RGS5: variants seen among roughly 807,000 people sequenced by gnomAD.
RGS5 encodes regulator of G-protein signalling 5.
RGS5 carries 20 observed loss-of-function variants against 18.9 expected under a neutral mutation model. That is an observed-to-expected ratio of 1.06 (90% CI 0.74 to 1.54). RGS5 has a LOEUF of 1.54. RGS5 is among the 40% of genes most tolerant of loss of function. RGS5 has a pLI of 0.00. For missense variants in RGS5, 201 were observed against 211.8 expected (o/e 0.95, Z 0.32); for synonymous variants, 57 against 76.2 (o/e 0.75, Z 1.31).
chr1:163,206,221 C>G (rs1231967276), upstream of RGS5, among the ~76,000 whole-genome samples: 1 of 152,102 alleles, frequency 6.6e-6, no homozygotes, highest in Non-Finnish European at 1.5e-5. Context: ...TCCTGCTGAA[C>G]CTGCTGGCAC....
chr1:163,289,361 GAAATAGC>G (rs1649221456), intron 2 of RGS5, among the ~76,000 whole-genome samples: 1 of 151,848 alleles, frequency 6.6e-6, no homozygotes, highest in Non-Finnish European at 1.5e-5. Flanking sequence ...AGGATTTTCA[GAAATAGC>G]AAATCAGATA....
rs548757449 is a variant in RGS5, at chr1:163,186,557, C to T, written c.44+16235G>A. 9.5e-3 allele frequency among the ~76,000 whole-genome samples: 1,109 copies of T among 117,038 alleles called. 8 individuals are homozygous for T. Among genetic ancestry groups the T allele is most frequent in the Middle Eastern group, 0.023 (3 of 128 alleles). The allele number at this position is 117,038 out of a possible 152,430, so 76.8% of individuals were successfully genotyped here. A position where few individuals can be genotyped will look rare whatever the true frequency, so the allele number is the denominator to read the frequency against. ...TCACACCACTGCACTCCAGCCTGGG[C>T]GACAGAGCGAGACTCTGTCTCAAAA... On this transcript the variant is annotated intron_variant, in intron 1 of 4. Coordinates refer to ENST00000313961, the MANE Select transcript of RGS5 (RefSeq NM_003617.4).
upstream of RGS5, chr1:163,217,706 C>T (rs1484330159): frequency 7.3e-7 from 1 of 1,369,128 alleles, no homozygotes; most frequent in Non-Finnish European, 9.5e-7. Context: ...GAACTTGGAA[C>T]CTTGATGACA....
intron 2 of RGS5, among the ~76,000 whole-genome samples, chr1:163,293,615 T>A (rs1005582372): frequency 2.0e-5 from 3 of 152,164 alleles, no homozygotes; most frequent in South Asian, 4.1e-4. Flanking sequence ...CATGTCCTTT[T>A]CACATTTCAA....
chr1:163,321,629 C>G (rs1650213787), exon 1 of RGS5: 2 of 152,204 alleles, frequency 1.3e-5, no homozygotes, highest in Non-Finnish European at 2.9e-5. Context: ...TACCTCTGTA[C>G]TTCCTCCCTT....
At chr1:163,301,656 A>G (rs1649554661) in intron 2 of RGS5, among the ~76,000 whole-genome samples, 1 of 152,148 alleles carries the variant, frequency 6.6e-6, no homozygotes, top group Non-Finnish European at 1.5e-5. Flanking sequence ...TATAAAGAAA[A>G]AAAATGAGCC....
At chr1:163,170,105 A>C (rs977587055) in intron 1 of RGS5, among the ~76,000 whole-genome samples, 1 of 152,192 alleles carries the variant, frequency 6.6e-6, no homozygotes, top group Non-Finnish European at 1.5e-5. Context: ...ATATTAATCC[A>C]TAGGACAAGT....
chr1:163,188,914 C>T (rs1659214593), intron 1 of RGS5, among the ~76,000 whole-genome samples: 1 of 144,384 alleles, frequency 6.9e-6, no homozygotes, highest in East Asian at 2.1e-4. Context: ...GATCGCACCA[C>T]CACATACCAG....
intron 3 of RGS5, among the ~76,000 whole-genome samples, chr1:163,155,163 C>A (rs1414020445): frequency 6.6e-6 from 1 of 152,052 alleles, no homozygotes; most frequent in Non-Finnish European, 1.5e-5. Flanking sequence ...CAAATTTATT[C>A]TAATTAGCCC....
At chr1:163,225,826 A>C (rs550049347) in intron 2 of RGS5, among the ~76,000 whole-genome samples, 1 of 152,252 alleles carries the variant, frequency 6.6e-6, no homozygotes, top group African/African-American at 2.4e-5. Flanking sequence ...GAATTACCAA[A>C]CCAATGCCAA....
intron 2 of RGS5, among the ~76,000 whole-genome samples, chr1:163,272,882 T>C (rs1278951969): frequency 1.3e-5 from 2 of 152,126 alleles, no homozygotes; most frequent in Admixed American, 1.3e-4. Flanking sequence ...ATTATTTTTC[T>C]TTATAAAAAT....
At chr1:163,266,186 C>G (rs994046910) in intron 2 of RGS5, among the ~76,000 whole-genome samples, 2 of 152,104 alleles carry the variant, frequency 1.3e-5, no homozygotes, top group East Asian at 1.9e-4. Context: ...ACCCCGGCAT[C>G]TAAGTTAGAA....
At chr1:163,166,677 A>G (rs982793991) in intron 2 of RGS5, among the ~76,000 whole-genome samples, 3 of 152,180 alleles carry the variant, frequency 2.0e-5, no homozygotes, top group African/African-American at 7.2e-5. Context: ...TTCCAAAACA[A>G]TTTAGGCTTC....
At chr1:163,156,477 A>T (rs1657585913) in intron 3 of RGS5, among the ~76,000 whole-genome samples, 1 of 152,082 alleles carries the variant, frequency 6.6e-6, no homozygotes, top group African/African-American at 2.4e-5. Context: ...GCTCTTGAAG[A>T]TTTTTATCAT....
intron 2 of RGS5, among the ~76,000 whole-genome samples, chr1:163,281,795 G>C (rs1648998486): frequency 6.6e-6 from 1 of 152,078 alleles, no homozygotes; most frequent in Admixed American, 6.6e-5. Context: ...TTTGGACAAA[G>C]GTATCATTAA....
At chr1:163,289,501 T>C (rs1176696388) in intron 2 of RGS5, among the ~76,000 whole-genome samples, 5 of 152,100 alleles carry the variant, frequency 3.3e-5, no homozygotes, top group African/African-American at 1.2e-4. Context: ...TTTTTAAATA[T>C]CTTTGTTCCC....
At chr1:163,208,347 CAAAAAAA>C (rs55848330) in intron 1 of RGS5, among the ~76,000 whole-genome samples, 1 of 37,894 alleles carries the variant, frequency 2.6e-5, no homozygotes, top group Non-Finnish European at 5.7e-5. Flanking sequence ...GACTCCGTCT[CAAAAAAA>C]AAAAAAAAAA....
At chr1:163,149,297 C>T (rs535123272) in intron 4 of RGS5, among the ~76,000 whole-genome samples, 2 of 152,260 alleles carry the variant, frequency 1.3e-5, no homozygotes, top group South Asian at 4.1e-4. Flanking sequence ...TTTCTCCATT[C>T]TCAGTCTATT....
intron 1 of RGS5, among the ~76,000 whole-genome samples, chr1:163,195,015 TGGAAAAC>T (rs1659507437): frequency 6.6e-6 from 1 of 152,170 alleles, no homozygotes; most frequent in Admixed American, 6.5e-5. Flanking sequence ...ACAACCTCTA[TGGAAAAC>T]AGTATAGGGA....
Sources: gnomAD v4.1 joint callset for allele counts (sites outside exome capture counted in the v4.1 genomes callset) on GRCh38, gnomAD v4.1.1 for gene constraint, MANE v1.5 for transcripts, NCBI Gene and HGNC (gene_info 2026-07-23, HGNC 2026-07-21) for gene names.